XYLT1: variants seen among roughly 807,000 people sequenced by gnomAD.
XYLT1 encodes the protein beta-D-xylosyltransferase 1.
A neutral mutation model predicts 91.3 loss-of-function variants in XYLT1; 36 were observed. That is an observed-to-expected ratio of 0.39 (90% CI 0.30 to 0.52). XYLT1 has a LOEUF of 0.52. XYLT1 is among the 20% of genes least tolerant of loss of function. The probability of loss-of-function intolerance (pLI) is 0.68; values close to 1 mark genes in which losing one functional copy is unlikely to be tolerated. For missense variants in XYLT1, 1,242 were observed against 1,284.5 expected (o/e 0.97, Z 0.51); for synonymous variants, 588 against 532.0 (o/e 1.11, Z -1.45).
chr16:17,422,990 G>T (rs547092143), intron 1 of XYLT1, among the ~76,000 whole-genome samples: 6 of 152,278 alleles, frequency 3.9e-5, no homozygotes, highest in Middle Eastern at 3.4e-3. Context: ...GACTTTTTTA[G>T]CCCTGCAAAG....
At chr16:17,134,786 G>C (rs762909393) in intron 8 of XYLT1, 51 bp from the exon 9 acceptor site, 2 of 1,600,396 alleles carry the variant, frequency 1.2e-6, no homozygotes, top group Non-Finnish European at 1.7e-6. Flanking sequence ...AGTGCTGGGG[G>C]TTGGGGGGAA....
At chr16:17,159,355 C>G (rs1279142543) in intron 5 of XYLT1, among the ~76,000 whole-genome samples, 3 of 152,118 alleles carry the variant, frequency 2.0e-5, no homozygotes, top group Admixed American at 6.5e-5. Flanking sequence ...TTTAGAGAGA[C>G]CTTTTCTGAC....
At chr16:17,360,701 C>T (rs544270180) in intron 1 of XYLT1, among the ~76,000 whole-genome samples, 1 of 152,326 alleles carries the variant, frequency 6.6e-6, no homozygotes, top group South Asian at 2.1e-4. Flanking sequence ...TCGCTTTCAG[C>T]AACATCCTCC....
At chr16:17,391,664 C>T (rs1468996033) in intron 1 of XYLT1, among the ~76,000 whole-genome samples, 1 of 152,178 alleles carries the variant, frequency 6.6e-6, no homozygotes, top group African/African-American at 2.4e-5. Context: ...GTCCTTTCTT[C>T]TTCCAGCAGC....
rs180711000 is a variant in XYLT1, at chr16:17,179,440, A to C, written c.1289+18772T>G. On this transcript the variant is annotated intron_variant, in intron 5 of 11. Transcript: ENST00000261381. ...TAACTCTCTTTTTTGGGTCATTCAC[A>C]ATCTTCCTCATAACTTTCTGGCATA... Among the ~76,000 whole-genome samples, 307 of 152,240 alleles carry C rather than the reference A, an allele frequency of 2.0e-3. 1 individual carries two copies. The highest frequency in any genetic ancestry group is 7.2e-3 in the African/African-American group (298 of 41,542).
chr16:17,458,611 C>A (rs2036775082), intron 1 of XYLT1, among the ~76,000 whole-genome samples: 1 of 152,088 alleles, frequency 6.6e-6, no homozygotes, highest in African/African-American at 2.4e-5. Flanking sequence ...AGCTGTTTAC[C>A]AGAGGAGCAA....
At chr16:17,455,581 T>C (rs1006930939) in intron 1 of XYLT1, among the ~76,000 whole-genome samples, 1 of 111,088 alleles carries the variant, frequency 9.0e-6, no homozygotes, top group Admixed American at 1.0e-4. Context: ...AGACTCCATC[T>C]CTAAATAAAT....
intron 3 of XYLT1, among the ~76,000 whole-genome samples, chr16:17,235,512 G>A (rs975266837): frequency 1.3e-5 from 2 of 151,988 alleles, no homozygotes; most frequent in African/African-American, 4.8e-5. Context: ...AAACTCGAAG[G>A]GCCCCGTCTC....
At chr16:17,262,207 T>C (rs1040749468) in intron 2 of XYLT1, among the ~76,000 whole-genome samples, 1 of 152,214 alleles carries the variant, frequency 6.6e-6, no homozygotes, top group Non-Finnish European at 1.5e-5. Context: ...TTCTTCACTA[T>C]GGATCACGTG....
chr16:17,260,174 A>T (rs1314997945), intron 2 of XYLT1, among the ~76,000 whole-genome samples: 1 of 152,100 alleles, frequency 6.6e-6, no homozygotes, highest in Non-Finnish European at 1.5e-5. Flanking sequence ...TGATGAAGTC[A>T]TTTGGGGTCA....
chr16:17,149,331 G>A (rs1035512558), intron 6 of XYLT1, among the ~76,000 whole-genome samples: 7 of 152,080 alleles, frequency 4.6e-5, no homozygotes, highest in African/African-American at 1.7e-4. Flanking sequence ...TTTACAGCAT[G>A]TCTGAGCAAG....
intron 1 of XYLT1, among the ~76,000 whole-genome samples, chr16:17,469,026 C>G (rs4781978): frequency 0.14 from 21,353 of 152,234 alleles, 1,838 homozygotes; most frequent in Non-Finnish European, 0.2. Context: ...AGGCAGCTCA[C>G]GCCACTATTC....
At chr16:17,354,063 A>G (rs776938871) in intron 2 of XYLT1, among the ~76,000 whole-genome samples, 3 of 152,190 alleles carry the variant, frequency 2.0e-5, no homozygotes, top group Non-Finnish European at 2.9e-5. Flanking sequence ...AAGAATGAGG[A>G]TAAGAATAAT....
intron 2 of XYLT1, among the ~76,000 whole-genome samples, chr16:17,304,023 G>A (rs2034436639): frequency 6.6e-6 from 1 of 152,104 alleles, no homozygotes; most frequent in Non-Finnish European, 1.5e-5. Context: ...GTGTACAGGT[G>A]CATGCAGATA....
chr16:17,119,906 G>A (rs2029986199), intron 10 of XYLT1, among the ~76,000 whole-genome samples: 1 of 152,170 alleles, frequency 6.6e-6, no homozygotes, highest in Non-Finnish European at 1.5e-5. Context: ...AATCCCTACT[G>A]CCTACCAGGG....
chr16:17,173,435 T>G (rs2031871694), intron 5 of XYLT1, among the ~76,000 whole-genome samples: 1 of 152,236 alleles, frequency 6.6e-6, no homozygotes, highest in Non-Finnish European at 1.5e-5. Flanking sequence ...CTCTATGCAT[T>G]AAGAGCATAC....
At chr16:17,370,422 G>A (rs1355981571) in intron 1 of XYLT1, among the ~76,000 whole-genome samples, 2 of 152,252 alleles carry the variant, frequency 1.3e-5, no homozygotes, top group Non-Finnish European at 2.9e-5. Flanking sequence ...ACTGTAGGCT[G>A]TATTCAGGAG....
At chr16:17,177,904 C>T (rs531547605) in intron 5 of XYLT1, among the ~76,000 whole-genome samples, 7 of 152,332 alleles carry the variant, frequency 4.6e-5, no homozygotes, top group South Asian at 2.1e-4. Context: ...GAAAGATAAA[C>T]GAGCTCTGTG....
At chr16:17,438,636 C>T (rs1258958156) in intron 1 of XYLT1, among the ~76,000 whole-genome samples, 1 of 152,066 alleles carries the variant, frequency 6.6e-6, no homozygotes, top group Admixed American at 6.5e-5. Context: ...ATTTAATTGA[C>T]TCAGTTCCAC....
Sources: allele counts gnomAD v4.1 joint callset (sites outside exome capture counted in the v4.1 genomes callset), GRCh38; gene constraint gnomAD v4.1.1; transcripts MANE v1.5; gene names NCBI Gene and HGNC (gene_info 2026-07-23, HGNC 2026-07-21).